Variants in NLGN1 observed in about 807,000 individuals in gnomAD.
NLGN1 encodes the protein neuroligin 1.
A neutral mutation model predicts 65.5 loss-of-function variants in NLGN1; 12 were observed. The ratio of observed to expected loss-of-function variants is 0.18; its 90% confidence interval spans 0.12 to 0.30. NLGN1 has a LOEUF of 0.30. Among genes scored for constraint, NLGN1 ranks in the 10% least tolerant of loss-of-function variants. The pLI is 1.00. For missense variants in NLGN1, 750 were observed against 1,007.1 expected (o/e 0.74, Z 3.46); for synonymous variants, 350 against 359.5 (o/e 0.97, Z 0.30).
intron 4 of NLGN1, among the ~76,000 whole-genome samples, chr3:174,023,375 T>C (rs890471167): frequency 1.3e-5 from 2 of 152,152 alleles, no homozygotes; most frequent in African/African-American, 4.8e-5. Context: ...CTTCCTAGGA[T>C]ATATGTAACG....
chr3:173,640,544 T>C (rs1415459197), intron 3 of NLGN1, among the ~76,000 whole-genome samples: 17 of 152,150 alleles, frequency 1.1e-4, no homozygotes, highest in Admixed American at 1.1e-3. Context: ...GTAAGGCTAT[T>C]ATCATATCTA....
chr3:174,065,953 A>G (rs993453236), intron 4 of NLGN1, among the ~76,000 whole-genome samples: 1 of 152,208 alleles, frequency 6.6e-6, no homozygotes, highest in Admixed American at 6.5e-5. Flanking sequence ...CAGAAGATCC[A>G]GCTAAGCAGC....
At chr3:173,769,636 T>A (rs1779293690) in intron 3 of NLGN1, among the ~76,000 whole-genome samples, 1 of 152,182 alleles carries the variant, frequency 6.6e-6, no homozygotes, top group Non-Finnish European at 1.5e-5. Context: ...TGCCAATTCA[T>A]CCAAGGCCTG....
chr3:173,927,755 A>T (rs1743277835), intron 4 of NLGN1, among the ~76,000 whole-genome samples: 1 of 141,176 alleles, frequency 7.1e-6, no homozygotes, highest in Non-Finnish European at 1.6e-5. Context: ...ACACAGATAC[A>T]GAAACACACA....
intron 3 of NLGN1, among the ~76,000 whole-genome samples, chr3:173,677,627 G>A (rs1763353776): frequency 6.6e-6 from 1 of 151,998 alleles, no homozygotes; most frequent in Admixed American, 6.6e-5. Context: ...TATCTATGAG[G>A]CTTATGCATT....
chr3:173,419,116 G>A lies in NLGN1; in HGVS notation c.-389-15894G>A, dbSNP rs577346209. Among the ~76,000 whole-genome samples the A allele has an allele frequency of 2.0e-4, 21 of 107,182 alleles. 1 individual carries two copies. The East Asian group carries it at 2.6e-3, about 13-fold the overall frequency. 70.3% of individuals were successfully genotyped at this position (107,182 alleles called of 152,430 possible). On this transcript the variant is annotated intron_variant, in intron 1 of 6. Coordinates refer to ENST00000457714, the Ensembl canonical transcript of NLGN1. ...ATCTATCTATCTATCTATATATATCGATTTTTTTTTTTTGGCAGTTAAAGA... is the reference window on the plus strand; with the variant it reads ...ATCTATCTATCTATCTATATATATCAATTTTTTTTTTTTGGCAGTTAAAGA...
chr3:173,793,177 GGA>G (rs1466261486), intron 3 of NLGN1, among the ~76,000 whole-genome samples: 2 of 152,022 alleles, frequency 1.3e-5, no homozygotes, highest in Non-Finnish European at 2.9e-5. Context: ...AAATGGATTG[GGA>G]GAGAGTCTGG....
chr3:173,560,380 A>G (rs1351779341), intron 2 of NLGN1, among the ~76,000 whole-genome samples: 1 of 152,128 alleles, frequency 6.6e-6, no homozygotes, highest in Non-Finnish European at 1.5e-5. Context: ...AGGAAGAAAG[A>G]GAAGGAAATG....
intron 2 of NLGN1, among the ~76,000 whole-genome samples, chr3:173,505,847 T>G (rs1286686540): frequency 6.6e-6 from 1 of 152,110 alleles, no homozygotes; most frequent in Non-Finnish European, 1.5e-5. Flanking sequence ...TAATAGAGGC[T>G]TTATGGGATA....
intron 4 of NLGN1, among the ~76,000 whole-genome samples, chr3:173,828,058 A>T (rs1033266762): frequency 3.3e-5 from 5 of 152,084 alleles, no homozygotes; most frequent in African/African-American, 1.2e-4. Context: ...TGACACATGA[A>T]ATTAACCATT....
chr3:173,789,790 G>A, intron 3 of NLGN1: 3 of 466,794 alleles, frequency 6.4e-6, no homozygotes, highest in South Asian at 1.5e-5. Flanking sequence ...CTTGGATTAA[G>A]CAATAAACTA....
chr3:173,510,903 T>G (rs2149094816), intron 2 of NLGN1, among the ~76,000 whole-genome samples: 1 of 152,316 alleles, frequency 6.6e-6, no homozygotes, highest in Non-Finnish European at 1.5e-5. Flanking sequence ...ATATGATAGA[T>G]TATTACAAAT....
chr3:173,902,686 G>T (rs73035449), intron 4 of NLGN1, among the ~76,000 whole-genome samples: 4,940 of 152,114 alleles, frequency 0.032, 136 homozygotes, highest in African/African-American at 0.076. Context: ...TACTTAGAGA[G>T]AATCATAGAG....
chr3:173,398,536 A>AT (rs1428283879), intron 1 of NLGN1: 1 of 152,110 alleles, frequency 6.6e-6, no homozygotes, highest in African/African-American at 2.4e-5. Flanking sequence ...TTAGGTTGAG[A>AT]TTTTGCATTG....
At chr3:174,259,245 G>A (rs542686332) in intron 4 of NLGN1, among the ~76,000 whole-genome samples, 20 of 152,016 alleles carry the variant, frequency 1.3e-4, no homozygotes, top group African/African-American at 4.8e-4. Flanking sequence ...ATTTGTGTCT[G>A]TCTCAGGGAT....
intron 2 of NLGN1, among the ~76,000 whole-genome samples, chr3:173,483,210 A>G (rs1328915031): frequency 6.6e-6 from 1 of 152,100 alleles, no homozygotes; most frequent in Non-Finnish European, 1.5e-5. Context: ...TAAACTTCCA[A>G]AATGTAATTT....
At chr3:173,754,560 T>C (rs984940307) in intron 3 of NLGN1, among the ~76,000 whole-genome samples, 2 of 152,136 alleles carry the variant, frequency 1.3e-5, no homozygotes, top group African/African-American at 4.8e-5. Flanking sequence ...GTAAGGATTT[T>C]TGGCTATTTG....
Position 173,751,212 on chromosome 3 carries a change from A to G in NLGN1, c.494-56468A>G, listed in dbSNP as rs965578489. On this transcript the variant is annotated intron_variant, in intron 3 of 6. Coordinates refer to ENST00000457714, the Ensembl canonical transcript of NLGN1. Reference sequence around the variant, plus strand: ...TAGTTAAGATAATGTTTGTGCATAGATACACTATTTGCTTTTTTTGAAAAG... The same window carrying G: ...TAGTTAAGATAATGTTTGTGCATAGGTACACTATTTGCTTTTTTTGAAAAG... Among the ~76,000 whole-genome samples, 49 of 152,058 alleles carry G rather than the reference A, an allele frequency of 3.2e-4. 1 individual carries two copies. Among genetic ancestry groups the G allele is most frequent in the African/African-American group, 1.1e-3 (44 of 41,432 alleles).
At chr3:173,726,316 T>G (rs909275834) in intron 3 of NLGN1, among the ~76,000 whole-genome samples, 1 of 151,958 alleles carries the variant, frequency 6.6e-6, no homozygotes, top group African/African-American at 2.4e-5. Context: ...TAAGAAGACA[T>G]GAGCACTATT....
Sources: gnomAD v4.1 joint callset for allele counts (sites outside exome capture counted in the v4.1 genomes callset) on GRCh38, gnomAD v4.1.1 for gene constraint, MANE v1.5 for transcripts, NCBI Gene and HGNC (gene_info 2026-07-23, HGNC 2026-07-21) for gene names.